Variants in TBC1D9B observed in about 807,000 individuals in gnomAD.
TBC1D9B encodes the protein TBC1 domain family, member 9B (with GRAM domain).
A neutral mutation model predicts 121.1 loss-of-function variants in TBC1D9B; 87 were observed. That is an observed-to-expected ratio of 0.72 (90% CI 0.60 to 0.86). TBC1D9B has a LOEUF of 0.86. TBC1D9B is among the 40% of genes least tolerant of loss of function. The pLI is 0.00. For synonymous variants in TBC1D9B, 668 were observed against 670.1 expected, an observed-to-expected ratio of 1.00 and a Z score of 0.05; for missense variants, 1,540 against 1,628.6, an observed-to-expected ratio of 0.95 and a Z score of 0.94.
At chr5:179,877,679 AAAAAGAAAAG>A (rs1174662138) in intron 10 of TBC1D9B, among the ~76,000 whole-genome samples, 1 of 149,726 alleles carries the variant, frequency 6.7e-6, no homozygotes, top group African/African-American at 2.5e-5. Context: ...AAAAAAAAAA[AAAAAGAAAAG>A]AAAAGAAAAG....
chr5:179,900,607 G>A (rs147218045), intron 2 of TBC1D9B, among the ~76,000 whole-genome samples: 118 of 152,274 alleles, frequency 7.7e-4, no homozygotes, highest in Non-Finnish European at 1.4e-3. Flanking sequence ...TTAGGTTCCT[G>A]GAGCCTCTAA....
chr5:179,900,596 G>A (rs549339239), intron 2 of TBC1D9B, among the ~76,000 whole-genome samples: 1 of 152,276 alleles, frequency 6.6e-6, no homozygotes, highest in East Asian at 1.9e-4. Context: ...GGAACACAGG[G>A]TTAGGTTCCT....
rs544141781 is a variant in TBC1D9B, at chr5:179,902,661, TC to T, written c.229+2040del. The stretch of plus-strand genomic sequence containing the variant: ...CCACTCTGCCCCTCGTACTTTTCTC[TC>T]CCCAGGGACGGGCAGCTCTTGCTGC... On this transcript the variant is annotated intron_variant, in intron 2 of 20. Transcript: ENST00000355235. This position sits in a 1 kb window ranked among gnomAD's most constrained non-coding sequence, Gnocchi z 4.9. 6.6e-4 allele frequency among the ~76,000 whole-genome samples: 101 copies of T among 152,046 alleles called. No individual in the cohort carries two copies. Among genetic ancestry groups the T allele is most frequent in the Non-Finnish European group, 1.2e-3 (83 of 68,000 alleles).
chr5:179,867,067 TGAA>T (rs1314119091), intron 18 of TBC1D9B: 2 of 202,452 alleles, frequency 9.9e-6, no homozygotes, highest in African/African-American at 2.3e-5. Flanking sequence ...ACGTGGAACA[TGAA>T]GATTTTTCCT....
At chr5:179,886,006 C>T (rs1380944701) in intron 7 of TBC1D9B, among the ~76,000 whole-genome samples, 1 of 152,250 alleles carries the variant, frequency 6.6e-6, no homozygotes, top group Non-Finnish European at 1.5e-5. Context: ...TCCCAGCTTG[C>T]TGTGCTCTCT....
At chr5:179,892,688 CT>C (rs1294658836) in intron 5 of TBC1D9B, among the ~76,000 whole-genome samples, 1 of 152,218 alleles carries the variant, frequency 6.6e-6, no homozygotes, top group Non-Finnish European at 1.5e-5. Context: ...CTCAGGACCC[CT>C]GGGGGTCCCA....
rs187318750 is a variant in TBC1D9B, at chr5:179,907,167, G to A, written c.118+537C>T. Among the ~76,000 whole-genome samples the A allele has an allele frequency of 1.3e-5, 2 of 152,218 alleles. No individual in the cohort carries two copies. On this transcript the variant is annotated intron_variant, in intron 1 of 20. Transcript: ENST00000355235. This position sits in a 1 kb window ranked among gnomAD's most constrained non-coding sequence, Gnocchi z 5.3. ...GAGAGCAGCCAGGAGCAGGAAAGGT[G>A]GGGGAGGAGAAGCTGGGGGAATGGG...
At position 179,885,656 on chromosome 5, in the gene TBC1D9B, G is replaced by A. The variant is rs987554533; in HGVS notation, c.1254+2447C>T. Among the ~76,000 whole-genome samples, 5 of 151,996 alleles carry A rather than the reference G, an allele frequency of 3.3e-5. No individual in the cohort carries two copies. Among genetic ancestry groups the A allele is most frequent in the African/African-American group, 1.2e-4 (5 of 41,348 alleles). On this transcript the variant is annotated intron_variant, in intron 7 of 20. Transcript: ENST00000355235. This position sits in a 1 kb window ranked among gnomAD's most constrained non-coding sequence, Gnocchi z 4.5. The stretch of plus-strand genomic sequence containing the variant: ...TTCATACGAAGTCTCCAAAACCCGT[G>A]TACAGTGATCTGAACACTCACAGCA...
rs1761253374 is a variant in TBC1D9B, at chr5:179,904,458, C to A, written c.229+244G>T. Reference sequence around the variant, plus strand: ...GCCAGGATGGTCTCGATCTCCTGACCTCGTGATCAGCCCGCCTCGGCCTCC... The same window carrying A: ...GCCAGGATGGTCTCGATCTCCTGACATCGTGATCAGCCCGCCTCGGCCTCC... On this transcript the variant is annotated intron_variant, in intron 2 of 20. Transcript: ENST00000355235. This position sits in a 1 kb window ranked among gnomAD's most constrained non-coding sequence, Gnocchi z 4.2. Among the ~76,000 whole-genome samples the A allele has an allele frequency of 6.6e-6, 1 of 152,116 alleles. No individual in the cohort carries two copies. The highest frequency in any genetic ancestry group is 1.5e-5 in the Non-Finnish European group (1 of 68,020).
chr5:179,878,383 C>A lies in TBC1D9B; in HGVS notation c.1708G>T (p.Glu570Ter). 6.2e-7 allele frequency: 1 copy of A among 1,613,966 alleles called. No homozygotes were observed. Among genetic ancestry groups the A allele is most frequent in the Non-Finnish European group, 8.5e-7 (1 of 1,179,976 alleles). ...SMPEHPAFQN[E>*]LGIAALRRVL... ...CGCCGGAGGGCAGCAATCCCCAGCT[C>A]GTTCTGGAAGGCAGGGTGCTCGGGC... The change falls in exon 10 of 21, where the codon GAG becomes TAG. Residue 570 changes from glutamate (E) to a stop codon, truncating the protein, a stop_gained. Coordinates refer to ENST00000355235, the MANE Select transcript of TBC1D9B (RefSeq NM_015043.4). LOFTEE classifies it high-confidence loss of function.
At position 179,862,827 on chromosome 5, in the gene TBC1D9B, T is replaced by C. The variant is rs532822360; in HGVS notation, c.*621A>G. On this transcript the variant is annotated 3_prime_UTR_variant, in exon 21 of 21. Transcript: ENST00000355235. ...GAATCCAAGGAAATATATCAGGACC[T>C]GAGGGATGTTTTTTTAAAGTTACTG... 6.0e-6 allele frequency: 2 copies of C among 333,204 alleles called. No individual in the cohort carries two copies. Among genetic ancestry groups the C allele is most frequent in the African/African-American group, 2.1e-5 (1 of 46,608 alleles). 20.6% of individuals were successfully genotyped at this position (333,204 alleles called of 1,614,324 possible). A position where few individuals can be genotyped will look rare whatever the true frequency, so the allele number is the denominator to read the frequency against.
intron 7 of TBC1D9B, 130 bp downstream of exon 7, chr5:179,887,973 C>G (rs545340884): frequency 2.0e-5 from 23 of 1,172,378 alleles, no homozygotes; most frequent in Non-Finnish European, 2.6e-5. Context: ...CTTGCCAGCT[C>G]TGACACATCC....
intron 3 of TBC1D9B, among the ~76,000 whole-genome samples, chr5:179,896,041 T>C (rs1215921170): frequency 6.6e-6 from 1 of 152,110 alleles, no homozygotes; most frequent in Non-Finnish European, 1.5e-5. Context: ...CGCACGCATC[T>C]GCAAACAAAC....
intron 18 of TBC1D9B, chr5:179,866,550 G>A (rs183653776): frequency 1.3e-5 from 2 of 152,574 alleles, no homozygotes; most frequent in Non-Finnish European, 2.9e-5. Flanking sequence ...TGGTGGCAGT[G>A]AAGGGCACAC....
At chr5:179,879,389 G>A (rs977223000) in intron 8 of TBC1D9B, 192 bp from the exon 9 acceptor site, 23 of 1,054,624 alleles carry the variant, frequency 2.2e-5, no homozygotes, top group East Asian at 1.8e-4. Flanking sequence ...GCTCCTCAGC[G>A]GGAGGGCCCT....
At chr5:179,897,316 CT>C (rs71001055) in intron 3 of TBC1D9B, among the ~76,000 whole-genome samples, 160 of 141,342 alleles carry the variant, frequency 1.1e-3, no homozygotes, top group East Asian at 1.2e-3. Context: ...ATTTTCTTTT[CT>C]TTTTTTTTTT....
At chr5:179,897,404 C>T (rs1216760413) in intron 3 of TBC1D9B, among the ~76,000 whole-genome samples, 7 of 151,762 alleles carry the variant, frequency 4.6e-5, no homozygotes, top group Non-Finnish European at 1.0e-4. Flanking sequence ...CCTCTGCCTC[C>T]TAAGTCCAAG....
Position 179,878,248 on chromosome 5 carries a change from A to AT in TBC1D9B, c.1782+60_1782+61insA, listed in dbSNP as rs1452608025. 4 of 1,528,346 alleles carry AT rather than the reference A, an allele frequency of 2.6e-6. No homozygotes were observed. The East Asian group carries it at 9.4e-5, about 36-fold the overall frequency. 94.7% of individuals were successfully genotyped at this position (1,528,346 alleles called of 1,614,324 possible). A position where few individuals can be genotyped will look rare whatever the true frequency, so the allele number is the denominator to read the frequency against. ...ACCACACAGGCCTGGGACCACAGGG[A>AT]CCTGCTCCTGTGAACCTCTGGTGGC... On this transcript the variant is annotated intron_variant, in intron 10 of 20. Transcript: ENST00000355235.
chr5:179,898,596 G>A (rs1761078916), intron 3 of TBC1D9B, among the ~76,000 whole-genome samples: 2 of 151,930 alleles, frequency 1.3e-5, no homozygotes, highest in African/African-American at 2.4e-5. Context: ...TTACAGGCGC[G>A]TGCCACCATG....
Sources: gnomAD v4.1 joint callset for allele counts (sites outside exome capture counted in the v4.1 genomes callset) on GRCh38, gnomAD v4.1.1 for gene constraint, Gnocchi (gnomAD v3.1) non-coding constraint, MANE v1.5 for transcripts, NCBI Gene and HGNC (gene_info 2026-07-23, HGNC 2026-07-21) for gene names.